Variants in TAFA2 observed in about 807,000 individuals in gnomAD.
The protein encoded by TAFA2 is chemokine-like protein TAFA-2.
Under a neutral mutation model 18.8 loss-of-function variants are expected in TAFA2, and 7 were observed. That is an observed-to-expected ratio of 0.37 (90% CI 0.21 to 0.70). TAFA2 has a LOEUF of 0.70. Ranked by LOEUF, TAFA2 falls within the 30% of genes least tolerant of loss-of-function variation. The pLI, the probability that TAFA2 is intolerant of heterozygous loss-of-function variation, is 0.53. For missense variants in TAFA2, 122 were observed against 158.1 expected (o/e 0.77, Z 1.23); for synonymous variants, 60 against 54.2 (o/e 1.11, Z -0.47).
At chr12:62,157,984 C>T (rs983399124) in intron 1 of TAFA2, among the ~76,000 whole-genome samples, 2 of 152,156 alleles carry the variant, frequency 1.3e-5, no homozygotes, top group Non-Finnish European at 2.9e-5. Context: ...ATTTACATAT[C>T]TATATGTCTT....
At chr12:62,153,913 A>G (rs2062348128) in intron 1 of TAFA2, among the ~76,000 whole-genome samples, 1 of 107,262 alleles carries the variant, frequency 9.3e-6, no homozygotes, top group Non-Finnish European at 2.0e-5. Flanking sequence ...AGGCATGAAC[A>G]TAACAAAATT....
At chr12:62,204,816 C>T (rs2062684968) in intron 1 of TAFA2, among the ~76,000 whole-genome samples, 1 of 152,188 alleles carries the variant, frequency 6.6e-6, no homozygotes, top group Non-Finnish European at 1.5e-5. Flanking sequence ...CTTTCTGAAG[C>T]CTACTTCTGT....
intron 1 of TAFA2, among the ~76,000 whole-genome samples, chr12:62,032,254 G>C (rs1422744261): frequency 6.6e-6 from 1 of 152,148 alleles, no homozygotes; most frequent in Non-Finnish European, 1.5e-5. Flanking sequence ...AATCAGCTGA[G>C]AAAGGGTACA....
rs147216663 is a variant in TAFA2, at chr12:62,176,669, A to G, written c.-2+14590T>C. Among the ~76,000 whole-genome samples the G allele has an allele frequency of 2.4e-3, 364 of 152,330 alleles. 1 individual carries two copies. Among genetic ancestry groups the G allele is most frequent in the African/African-American group, 8.5e-3 (355 of 41,572 alleles). ...GCTTTTCATCAAATGAAATTGGAGA[A>G]TCATAGAAATGCATTTATAGGAAAT... On this transcript the variant is annotated intron_variant, in intron 1 of 4. Coordinates refer to ENST00000416284, the MANE Select transcript of TAFA2 (RefSeq NM_178539.5).
chr12:61,759,561 C>A (rs1287640889), intron 2 of TAFA2, among the ~76,000 whole-genome samples: 1 of 151,994 alleles, frequency 6.6e-6, no homozygotes, highest in Non-Finnish European at 1.5e-5. Context: ...GAGTGAGAAA[C>A]AAAGCCATGT....
At chr12:61,863,738 T>C (rs1273340161) in intron 2 of TAFA2, among the ~76,000 whole-genome samples, 1 of 152,152 alleles carries the variant, frequency 6.6e-6, no homozygotes, top group Non-Finnish European at 1.5e-5. Flanking sequence ...GCACCTTTCC[T>C]CCACTTGCTG....
intron 1 of TAFA2, among the ~76,000 whole-genome samples, chr12:61,949,320 T>C (rs537497689): frequency 1.3e-5 from 2 of 152,174 alleles, no homozygotes; most frequent in East Asian, 1.9e-4. Flanking sequence ...TTTGCTGGCT[T>C]TCAGAATGGA....
At chr12:61,973,982 T>C (rs1292984708) in intron 1 of TAFA2, among the ~76,000 whole-genome samples, 3 of 151,708 alleles carry the variant, frequency 2.0e-5, no homozygotes, top group Admixed American at 6.6e-5. Context: ...AAAATTCTTA[T>C]TAAAACTCTC....
At chr12:61,889,362 C>T (rs1307795902) in intron 1 of TAFA2, among the ~76,000 whole-genome samples, 1 of 152,110 alleles carries the variant, frequency 6.6e-6, no homozygotes, top group Non-Finnish European at 1.5e-5. Context: ...ATCTGTTCTG[C>T]GTTGTTCCCT....
At chr12:61,735,740 G>A (rs973538189) in intron 4 of TAFA2, among the ~76,000 whole-genome samples, 3 of 151,508 alleles carry the variant, frequency 2.0e-5, no homozygotes, top group Admixed American at 6.6e-5. Flanking sequence ...GTTTGTCTTA[G>A]TGCAGCAGTT....
intron 2 of TAFA2, among the ~76,000 whole-genome samples, chr12:61,786,414 TAA>T (rs1870739697): frequency 6.6e-6 from 1 of 151,536 alleles, no homozygotes; most frequent in Non-Finnish European, 1.5e-5. Flanking sequence ...AGGTAAAATC[TAA>T]AAGTCTGTCA....
chr12:61,728,613 T>C (rs988450888), intron 4 of TAFA2, among the ~76,000 whole-genome samples: 1 of 151,912 alleles, frequency 6.6e-6, no homozygotes, highest in Non-Finnish European at 1.5e-5. Flanking sequence ...TAAGTTTATG[T>C]AAGTCCTTAT....
chr12:62,074,698 ATT>A (rs67195424), intron 1 of TAFA2, among the ~76,000 whole-genome samples: 16,350 of 136,566 alleles, frequency 0.12, 677 homozygotes, highest in African/African-American at 0.18. Flanking sequence ...AACTACATGA[ATT>A]TTTTTTTTTT....
chr12:62,140,988 T>C (rs1050891059), intron 1 of TAFA2, among the ~76,000 whole-genome samples: 6 of 152,162 alleles, frequency 3.9e-5, no homozygotes, highest in African/African-American at 1.4e-4. Context: ...CAGGATCAGG[T>C]GCTGTGCTGA....
intron 4 of TAFA2, among the ~76,000 whole-genome samples, chr12:61,741,742 A>G (rs34183522): frequency 0.015 from 2,261 of 152,226 alleles, 48 homozygotes; most frequent in African/African-American, 0.05. Flanking sequence ...TTGGACAGCA[A>G]AGAGTCATAA....
intron 1 of TAFA2, among the ~76,000 whole-genome samples, chr12:62,080,396 G>C (rs1021274402): frequency 2.6e-5 from 4 of 152,090 alleles, no homozygotes; most frequent in African/African-American, 9.7e-5. Context: ...GTATGTACAG[G>C]GGGTGAAAAT....
chr12:62,150,792 G>T (rs1481148313), intron 1 of TAFA2, among the ~76,000 whole-genome samples: 2 of 151,880 alleles, frequency 1.3e-5, no homozygotes, highest in African/African-American at 4.8e-5. Context: ...TGTAGTTCCA[G>T]ATACTCAGGA....
At chr12:62,121,498 T>C (rs1592348967) in intron 1 of TAFA2, among the ~76,000 whole-genome samples, 2 of 152,132 alleles carry the variant, frequency 1.3e-5, no homozygotes, top group Non-Finnish European at 2.9e-5. Flanking sequence ...AATTACATGA[T>C]GTATGAGAGA....
At chr12:62,014,851 A>G (rs1880879174) in intron 1 of TAFA2, among the ~76,000 whole-genome samples, 1 of 152,118 alleles carries the variant, frequency 6.6e-6, no homozygotes, top group Admixed American at 6.5e-5. Flanking sequence ...GCTGGGCCAC[A>G]TAACTCCACA....
Sources: allele counts gnomAD v4.1 joint callset (sites outside exome capture counted in the v4.1 genomes callset), GRCh38; gene constraint gnomAD v4.1.1; transcripts MANE v1.5; gene names NCBI Gene and HGNC (gene_info 2026-07-23, HGNC 2026-07-21).